Variants in CPNE8 observed in about 807,000 individuals in gnomAD.
The protein encoded by CPNE8 is copine-8.
Under a neutral mutation model 81.5 loss-of-function variants are expected in CPNE8, and 45 were observed. That is an observed-to-expected ratio of 0.55 (90% CI 0.44 to 0.71). The LOEUF (loss-of-function observed/expected upper bound fraction) is 0.71. Ranked by LOEUF, CPNE8 falls within the 30% of genes least tolerant of loss-of-function variation. The probability of loss-of-function intolerance (pLI) is 0.00; values close to 1 mark genes in which losing one functional copy is unlikely to be tolerated. For missense variants in CPNE8, 594 were observed against 672.1 expected (o/e 0.88, Z 1.28); for synonymous variants, 252 against 226.3 (o/e 1.11, Z -1.02).
chr12:38,719,308 T>C (rs1940490773), intron 13 of CPNE8, among the ~76,000 whole-genome samples: 1 of 152,110 alleles, frequency 6.6e-6, no homozygotes, highest in South Asian at 2.1e-4. Context: ...AAATTTTAAA[T>C]TTGTGCCCAA....
intron 10 of CPNE8, among the ~76,000 whole-genome samples, chr12:38,760,397 A>G (rs1941546976): frequency 6.8e-6 from 1 of 146,612 alleles, no homozygotes; most frequent in African/African-American, 2.6e-5. Flanking sequence ...TGGTCTGGCA[A>G]TGACCAGACA....
chr12:38,670,750 A>T lies in CPNE8; in HGVS notation c.1485T>A (p.Tyr495Ter), dbSNP rs1939157092. Residue 495 changes from tyrosine (Y) to a stop codon, truncating the protein, a stop_gained, in exon 19 of 20, where the codon TAT becomes TAA. Transcript: ENST00000331366. LOFTEE classifies it high-confidence loss of function. ...TTACCTGCACAATGTCTCTTTCAGC[A>T]TATTTTCCTCTAGAGGAGACTCTTA... The part of the protein sequence containing the change: ...DDVRVSSRGK[Y>*]AERDIVQFVP... The T allele has an allele frequency of 6.2e-7, 1 of 1,608,888 alleles. No individual in the cohort carries two copies.
chr12:38,654,108 T>C lies in CPNE8; in HGVS notation c.1507-38A>G, dbSNP rs748264480. On this transcript the variant is annotated intron_variant, in intron 19 of 19. Transcript: ENST00000331366. ...CGAAAGAAAGTTATTTCACAGACTTTAGCAGGCTATGTAATAAACACAAAA... is the reference window on the plus strand; with the variant it reads ...CGAAAGAAAGTTATTTCACAGACTTCAGCAGGCTATGTAATAAACACAAAA... The C allele has an allele frequency of 1.7e-5, 27 of 1,555,668 alleles. No homozygotes were observed. The South Asian group carries it at 3.3e-4, about 19-fold the overall frequency.
At chr12:38,767,614 A>AT (rs753293880) in intron 8 of CPNE8, 21 bp downstream of exon 8, 13 of 1,385,408 alleles carry the variant, frequency 9.4e-6, no homozygotes, top group Non-Finnish European at 1.3e-5. Context: ...TATAGTTGAA[A>AT]TGCATAAAAG....
chr12:38,814,130 A>G (rs1272776353), intron 6 of CPNE8, among the ~76,000 whole-genome samples: 1 of 152,020 alleles, frequency 6.6e-6, no homozygotes, highest in Non-Finnish European at 1.5e-5. Flanking sequence ...GTCAGGGAGG[A>G]AGTTCAAGAT....
chr12:38,824,915 T>TTTGCA (rs1943165355), intron 6 of CPNE8, among the ~76,000 whole-genome samples: 1 of 152,134 alleles, frequency 6.6e-6, no homozygotes, highest in African/African-American at 2.4e-5. Context: ...TCTATTTCTA[T>TTTGCA]CCTCAGTCAT....
At chr12:38,848,485 A>C in intron 4 of CPNE8, 74 bp downstream of exon 4, 1 of 1,465,252 alleles carries the variant, frequency 6.8e-7, no homozygotes, top group Non-Finnish European at 9.0e-7. Flanking sequence ...GTGCAACCAT[A>C]GGACCCTGCC....
intron 6 of CPNE8, among the ~76,000 whole-genome samples, chr12:38,806,677 C>CT (rs1436108853): frequency 7.2e-6 from 1 of 139,008 alleles, no homozygotes. Flanking sequence ...GAAGCATTCC[C>CT]TTTGAAAACT....
At chr12:38,768,911 G>A (rs550221858) in intron 7 of CPNE8, among the ~76,000 whole-genome samples, 2 of 152,244 alleles carry the variant, frequency 1.3e-5, no homozygotes, top group African/African-American at 4.8e-5. Context: ...AATATTATGT[G>A]ATAAAATGTT....
chr12:38,870,333 A>G (rs1346990390), intron 3 of CPNE8, among the ~76,000 whole-genome samples: 1 of 152,244 alleles, frequency 6.6e-6, no homozygotes, highest in African/African-American at 2.4e-5. Flanking sequence ...CTATAAAGAC[A>G]CATGCACATG....
chr12:38,753,606 C>T (rs1053354619), intron 10 of CPNE8, among the ~76,000 whole-genome samples: 3 of 152,118 alleles, frequency 2.0e-5, no homozygotes, highest in Non-Finnish European at 2.9e-5. Context: ...AAACACAGTC[C>T]TTGATTTCAG....
intron 4 of CPNE8, among the ~76,000 whole-genome samples, chr12:38,846,545 C>T (rs1038462725): frequency 2.0e-5 from 3 of 151,998 alleles, no homozygotes; most frequent in South Asian, 2.1e-4. Context: ...TACATTGGAC[C>T]GGTTCAGCAA....
intron 8 of CPNE8, 39 bp downstream of exon 8, chr12:38,767,596 C>T: frequency 8.6e-7 from 1 of 1,157,514 alleles, no homozygotes; most frequent in Non-Finnish European, 1.2e-6. Flanking sequence ...CAAGTATCAT[C>T]ATTACCATAT....
rs532930092 is a variant in CPNE8, at chr12:38,788,435, G to C, written c.408-12134C>G. On this transcript the variant is annotated intron_variant, in intron 6 of 19. Coordinates refer to ENST00000331366, the MANE Select transcript of CPNE8 (RefSeq NM_153634.3). ...TCTTCATCAAAAAAACCTTTAAAAA[G>C]TGGGTATAAAAGAAACATATTTCAA... Among the ~76,000 whole-genome samples, 3 of 151,800 alleles carry C rather than the reference G, an allele frequency of 2.0e-5. No homozygotes were observed. In the South Asian group the frequency reaches 6.2e-4, roughly 32 times the overall value.
intron 1 of CPNE8, among the ~76,000 whole-genome samples, chr12:38,894,173 T>C (rs1944352899): frequency 6.6e-6 from 1 of 152,136 alleles, no homozygotes; most frequent in Admixed American, 6.6e-5. Context: ...ACAAAACAGA[T>C]GCTGTTTCTT....
chr12:38,796,465 T>A (rs527549874), intron 6 of CPNE8, among the ~76,000 whole-genome samples: 2 of 152,062 alleles, frequency 1.3e-5, no homozygotes, highest in Non-Finnish European at 2.9e-5. Flanking sequence ...CATCAAAGCA[T>A]AGTATATAAA....
intron 6 of CPNE8, among the ~76,000 whole-genome samples, chr12:38,797,685 C>G (rs997014371): frequency 4.6e-5 from 7 of 152,150 alleles, no homozygotes; most frequent in Non-Finnish European, 8.8e-5. Flanking sequence ...AGCAACAGAA[C>G]AAAGCTGGAC....
intron 19 of CPNE8, among the ~76,000 whole-genome samples, chr12:38,659,966 G>A (rs1181256690): frequency 6.6e-6 from 1 of 152,112 alleles, no homozygotes; most frequent in Non-Finnish European, 1.5e-5. Flanking sequence ...AATAAAAGAG[G>A]ACACAAATAA....
intron 4 of CPNE8, among the ~76,000 whole-genome samples, chr12:38,847,715 A>C (rs556052593): frequency 6.6e-6 from 1 of 152,272 alleles, no homozygotes; most frequent in South Asian, 2.1e-4. Context: ...AACAGTAAAG[A>C]GCTGTTATTT....
Sources: gnomAD v4.1 joint callset for allele counts (sites outside exome capture counted in the v4.1 genomes callset) on GRCh38, gnomAD v4.1.1 for gene constraint, MANE v1.5 for transcripts, NCBI Gene and HGNC (gene_info 2026-07-23, HGNC 2026-07-21) for gene names.